PRKCA: variants seen among roughly 807,000 people sequenced by gnomAD.
PRKCA encodes the protein protein kinase C alpha type.
Under a neutral mutation model 87.0 loss-of-function variants are expected in PRKCA, and 27 were observed. The ratio of observed to expected loss-of-function variants is 0.31; its 90% CI spans 0.23 to 0.43. The LOEUF is 0.43. Ranked by LOEUF, PRKCA falls within the 20% of genes least tolerant of loss-of-function variation. The pLI, the probability that PRKCA is intolerant of heterozygous loss-of-function variation, is 1.00. For synonymous variants in PRKCA, 329 were observed against 311.1 expected (o/e 1.06, Z -0.61); for missense variants, 518 against 852.3 (o/e 0.61, Z 4.88).
rs563189104 is a variant in PRKCA, at chr17:66,786,700, A to G, written c.1606-167A>G. On this transcript the variant is annotated intron_variant, in intron 14 of 16. Transcript: ENST00000413366. Reference sequence around the variant, plus strand: ...TGAAAAACACACAACCGTCAATCTCATTAAAGATGATCAAATAAACCGTCA... The same window carrying G: ...TGAAAAACACACAACCGTCAATCTCGTTAAAGATGATCAAATAAACCGTCA... Among the ~76,000 whole-genome samples, 5 of 152,328 alleles carry G rather than the reference A, an allele frequency of 3.3e-5. No individual in the cohort carries two copies. In the East Asian group the frequency reaches 9.6e-4, roughly 29 times the overall value.
At chr17:66,509,187 T>TGC (rs1420223381) in intron 3 of PRKCA, among the ~76,000 whole-genome samples, 1 of 148,662 alleles carries the variant, frequency 6.7e-6, no homozygotes, top group Non-Finnish European at 1.5e-5. Context: ...TATGTGTGTG[T>TGC]GTGTGTGTGT....
chr17:66,687,919 G>A (rs7224351), intron 6 of PRKCA, among the ~76,000 whole-genome samples: 92,388 of 152,030 alleles, frequency 0.61, 28,164 homozygotes, highest in African/African-American at 0.66. Flanking sequence ...GTAGCTGTCT[G>A]TTCTAGAGGG....
At chr17:66,514,202 T>C (rs1226992019) in intron 3 of PRKCA, among the ~76,000 whole-genome samples, 1 of 152,230 alleles carries the variant, frequency 6.6e-6, no homozygotes, top group African/African-American at 2.4e-5. Context: ...GGTTTGGTAC[T>C]AGCCACGGTT....
chr17:66,670,886 GA>G (rs939035391), intron 5 of PRKCA, among the ~76,000 whole-genome samples: 1 of 151,774 alleles, frequency 6.6e-6, no homozygotes, highest in Admixed American at 6.6e-5. Context: ...AAAAATTATA[GA>G]AAAAATAAAT....
chr17:66,323,923 A>G (rs1365975440), intron 2 of PRKCA, among the ~76,000 whole-genome samples: 1 of 152,154 alleles, frequency 6.6e-6, no homozygotes, highest in East Asian at 1.9e-4. Flanking sequence ...CCTGGGCAAC[A>G]CAGCAAGATT....
At chr17:66,797,057 A>G (rs1598951825) in intron 16 of PRKCA, 1 of 897,934 alleles carries the variant, frequency 1.1e-6, no homozygotes, top group Middle Eastern at 5.7e-4. Flanking sequence ...AGCTGAGACC[A>G]TGGGGTTGTA....
intron 2 of PRKCA, among the ~76,000 whole-genome samples, chr17:66,368,579 A>C (rs1223467884): frequency 6.7e-6 from 1 of 150,296 alleles, no homozygotes; most frequent in Non-Finnish European, 1.5e-5. Flanking sequence ...TTTTGTAGAG[A>C]CGGGATTGCG....
At chr17:66,566,130 C>A (rs988517649) in intron 3 of PRKCA, among the ~76,000 whole-genome samples, 1 of 152,110 alleles carries the variant, frequency 6.6e-6, no homozygotes, top group African/African-American at 2.4e-5. Flanking sequence ...TTCCTGGACC[C>A]TCTCTCAGCA....
chr17:66,494,459 G>T (rs531466744), intron 2 of PRKCA, among the ~76,000 whole-genome samples: 2 of 152,164 alleles, frequency 1.3e-5, no homozygotes, highest in Non-Finnish European at 2.9e-5. Context: ...AGGGCAAAGA[G>T]ACAAAAGGGG....
intron 3 of PRKCA, among the ~76,000 whole-genome samples, chr17:66,548,169 A>T (rs1004268015): frequency 3.9e-5 from 6 of 152,216 alleles, no homozygotes; most frequent in Non-Finnish European, 8.8e-5. Context: ...CAGTGGAAGA[A>T]CATTATAAAG....
intron 2 of PRKCA, among the ~76,000 whole-genome samples, chr17:66,328,333 C>T (rs568945759): frequency 1.3e-5 from 2 of 152,188 alleles, no homozygotes; most frequent in South Asian, 4.2e-4. Context: ...CTTGGCCTCC[C>T]AAAGTGTTGG....
intron 8 of PRKCA, among the ~76,000 whole-genome samples, chr17:66,709,619 T>C (rs1291317069): frequency 6.6e-6 from 1 of 152,066 alleles, no homozygotes; most frequent in Non-Finnish European, 1.5e-5. Flanking sequence ...TCTTCTGAGA[T>C]GATTTTAACT....
At chr17:66,537,124 C>T (rs1043996375) in intron 3 of PRKCA, among the ~76,000 whole-genome samples, 4 of 152,142 alleles carry the variant, frequency 2.6e-5, no homozygotes, top group Non-Finnish European at 5.9e-5. Flanking sequence ...ATTTAGCATG[C>T]GTCCAGGAAT....
rs1971786522 is a variant in PRKCA at position 66,658,114 on chromosome 17, A to T, written c.529+12603A>T. On this transcript the variant is annotated intron_variant, in intron 5 of 16. Transcript: ENST00000413366. The stretch of plus-strand genomic sequence containing the variant: ...TCATGGCAGAAGAAGAAGCAAACAC[A>T]TCCTTCTTCACGTGGCGGCAGGAAG... Among the ~76,000 whole-genome samples the T allele has an allele frequency of 1.3e-5, 2 of 152,188 alleles. 1 individual carries two copies. The highest frequency in any genetic ancestry group is 4.1e-4 in the South Asian group (2 of 4,828).
intron 5 of PRKCA, among the ~76,000 whole-genome samples, chr17:66,659,453 A>T (rs752769061): frequency 6.6e-6 from 1 of 152,148 alleles, no homozygotes; most frequent in Admixed American, 6.5e-5. Context: ...GTAGGGCCTC[A>T]CACCTGTGTC....
intron 3 of PRKCA, among the ~76,000 whole-genome samples, chr17:66,560,385 G>A (rs926098359): frequency 1.3e-5 from 2 of 152,216 alleles, no homozygotes; most frequent in Non-Finnish European, 2.9e-5. Context: ...AGAACATTCT[G>A]TAAGTATTGC....
At chr17:66,516,741 G>A (rs72843660) in intron 3 of PRKCA, among the ~76,000 whole-genome samples, 21,258 of 152,158 alleles carry the variant, frequency 0.14, 1,789 homozygotes, top group East Asian at 0.3. Context: ...CTGACAAGGC[G>A]TTATCAGGGG....
Position 66,479,187 on chromosome 17 carries a change from C to T in PRKCA, c.206-17014C>T, listed in dbSNP as rs148694439. Reference sequence around the variant, plus strand: ...AATTTACAAGAAAAAAACAACCCCCCAAAAAAGTGGGCAAAGACATGAAAA... The same window carrying T: ...AATTTACAAGAAAAAAACAACCCCCTAAAAAAGTGGGCAAAGACATGAAAA... On this transcript the variant is annotated intron_variant, in intron 2 of 16. Coordinates refer to ENST00000413366, the MANE Select transcript of PRKCA (RefSeq NM_002737.3). Among the ~76,000 whole-genome samples, 400 of 152,106 alleles carry T rather than the reference C, an allele frequency of 2.6e-3. 1 individual carries two copies. The highest frequency in any genetic ancestry group is 9.3e-3 in the African/African-American group (386 of 41,506).
chr17:66,366,102 A>G (rs74639964), intron 2 of PRKCA, among the ~76,000 whole-genome samples: 2,051 of 152,288 alleles, frequency 0.013, 53 homozygotes, highest in African/African-American at 0.047. Flanking sequence ...GCAGATTGTC[A>G]TAATGTGATC....
Sources: allele counts gnomAD v4.1 joint callset (sites outside exome capture counted in the v4.1 genomes callset), GRCh38; gene constraint gnomAD v4.1.1; transcripts MANE v1.5; gene names NCBI Gene and HGNC (gene_info 2026-07-23, HGNC 2026-07-21).